The following AFG1L variants were observed in gnomAD, a reference collection of about 807,000 sequenced individuals.
AFG1L encodes AFG1 like ATPase, also known as AFG1-like ATPase.
AFG1L carries 53 observed loss-of-function variants against 62.2 expected under a neutral mutation model. The ratio of observed to expected loss-of-function variants is 0.85; its 90% CI spans 0.68 to 1.07. The LOEUF is 1.07. Among genes scored for constraint, AFG1L ranks in the 50% least tolerant of loss-of-function variants. The probability of loss-of-function intolerance (pLI) is 0.00; values close to 1 mark genes in which losing one functional copy is unlikely to be tolerated. For synonymous variants in AFG1L, 228 were observed against 210.3 expected, an observed-to-expected ratio of 1.08 and a Z score of -0.73; for missense variants, 555 against 590.5, an observed-to-expected ratio of 0.94 and a Z score of 0.62.
At chr6:108,367,029 C>G (rs1364218646) in intron 6 of AFG1L, among the ~76,000 whole-genome samples, 1 of 152,168 alleles carries the variant, frequency 6.6e-6, no homozygotes, top group African/African-American at 2.4e-5. Flanking sequence ...CTAGACTTGT[C>G]TCCCTGTTTG....
At chr6:108,329,402 G>A (rs891089458) in intron 2 of AFG1L, among the ~76,000 whole-genome samples, 4 of 152,170 alleles carry the variant, frequency 2.6e-5, no homozygotes, top group African/African-American at 9.6e-5. Context: ...GGATTCAAGT[G>A]ATTCTCCTGT....
chr6:108,485,178 A>G (rs1054164137), intron 10 of AFG1L, among the ~76,000 whole-genome samples: 1 of 152,316 alleles, frequency 6.6e-6, no homozygotes, highest in Admixed American at 6.5e-5. Context: ...AGGCAAGAGC[A>G]GCTTCTTAGA....
chr6:108,308,395 C>T (rs1777285263), intron 1 of AFG1L, among the ~76,000 whole-genome samples: 1 of 152,216 alleles, frequency 6.6e-6, no homozygotes, highest in Non-Finnish European at 1.5e-5. Flanking sequence ...AAGCTATCCT[C>T]CCACCTTGGC....
In AFG1L at chr6:108,295,180, C is replaced by T. The variant is rs763123714; in HGVS notation, c.101C>T (p.Ala34Val). ...VGCGAWAAAL[A>V]PLATAPGKPF... The stretch of plus-strand genomic sequence containing the variant: ...TGCGGGGCCTGGGCCGCCGCTCTCG[C>T]TCCTCTGGCCACCGCCCCTGGGAAG... The change falls in exon 1 of 13, where the codon GCT becomes GTT. Residue 34 changes from alanine (A) to valine (V), a missense_variant. Physicochemically the swap from Ala to Val is moderately conservative, Grantham distance 64. Coordinates refer to ENST00000368977, the MANE Select transcript of AFG1L (RefSeq NM_145315.5). The T allele has an allele frequency of 1.1e-5, 18 of 1,607,542 alleles. No individual in the cohort carries two copies. Among genetic ancestry groups the T allele is most frequent in the Non-Finnish European group, 1.5e-5 (18 of 1,179,948 alleles).
chr6:108,415,209 G>T (rs896025739), intron 7 of AFG1L, among the ~76,000 whole-genome samples: 4 of 152,090 alleles, frequency 2.6e-5, no homozygotes, highest in East Asian at 3.8e-4. Context: ...GAATCCAACT[G>T]ACAAGGGATG....
intron 7 of AFG1L, among the ~76,000 whole-genome samples, chr6:108,410,401 T>A (rs1042244985): frequency 6.6e-6 from 1 of 152,018 alleles, no homozygotes; most frequent in Non-Finnish European, 1.5e-5. Context: ...AGAAAAATCA[T>A]TGGGAAAAGA....
intron 1 of AFG1L, among the ~76,000 whole-genome samples, chr6:108,318,699 A>G (rs1163814226): frequency 2.0e-5 from 3 of 152,360 alleles, no homozygotes; most frequent in East Asian, 3.9e-4. Flanking sequence ...GAAATAAGGT[A>G]CAAAATTGAA....
intron 1 of AFG1L, among the ~76,000 whole-genome samples, chr6:108,312,583 G>C (rs1042015694): frequency 2.0e-5 from 3 of 151,954 alleles, no homozygotes; most frequent in African/African-American, 7.3e-5. Context: ...TAATAAAAAA[G>C]AATATCAATA....
intron 1 of AFG1L, 71 bp from the exon 2 acceptor site, chr6:108,323,754 C>G (rs1777913066): frequency 9.2e-7 from 1 of 1,089,076 alleles, no homozygotes; most frequent in Non-Finnish European, 1.4e-6. Flanking sequence ...TGAATTTGAC[C>G]CTTAAGAAAT....
intron 7 of AFG1L, among the ~76,000 whole-genome samples, chr6:108,433,387 C>T (rs895048608): frequency 3.3e-5 from 5 of 151,460 alleles, no homozygotes; most frequent in Admixed American, 2.0e-4. Flanking sequence ...TCAGCCAATT[C>T]TCCTGCCTCA....
chr6:108,365,005 C>T lies in AFG1L; in HGVS notation c.649-1228C>T, dbSNP rs574686667. Among the ~76,000 whole-genome samples, 20 of 151,892 alleles carry T rather than the reference C, an allele frequency of 1.3e-4. No homozygotes were observed. The South Asian group carries it at 2.3e-3, about 17-fold the overall frequency. ...TATTGTTAATTGCATTATAACCATT[C>T]GGTTTGTAACTTTTAGTATTTTGAT... On this transcript the variant is annotated intron_variant, in intron 5 of 12. Coordinates refer to ENST00000368977, the MANE Select transcript of AFG1L (RefSeq NM_145315.5).
At position 108,522,499 on chromosome 6, in the gene AFG1L, G is replaced by A; in HGVS notation, c.*74G>A. The A allele has an allele frequency of 6.7e-7, 1 of 1,486,062 alleles. No individual in the cohort carries two copies. Among genetic ancestry groups the A allele is most frequent in the Admixed American group, 1.9e-5 (1 of 52,290 alleles). 92.1% of individuals were successfully genotyped at this position (1,486,062 alleles called of 1,614,324 possible). A position where few individuals can be genotyped will look rare whatever the true frequency, so the allele number is the denominator to read the frequency against. On this transcript the variant is annotated 3_prime_UTR_variant, in exon 13 of 13. Coordinates refer to ENST00000368977, the MANE Select transcript of AFG1L (RefSeq NM_145315.5). ...AGAACTCCTTATTGTGGGACTTGAA[G>A]GAATCATTTTCTCATCATTAATTAT...
At chr6:108,310,046 G>A (rs1777344091) in intron 1 of AFG1L, among the ~76,000 whole-genome samples, 1 of 152,102 alleles carries the variant, frequency 6.6e-6, no homozygotes, top group South Asian at 2.1e-4. Flanking sequence ...AAGTCCCATG[G>A]GGCTATTCAG....
intron 7 of AFG1L, among the ~76,000 whole-genome samples, chr6:108,407,724 G>A (rs953987362): frequency 1.3e-5 from 2 of 151,748 alleles, no homozygotes; most frequent in African/African-American, 2.4e-5. Context: ...CCACAGGAGG[G>A]AACCTCACCA....
intron 8 of AFG1L, among the ~76,000 whole-genome samples, chr6:108,473,555 T>A (rs7760776): frequency 0.38 from 56,963 of 151,854 alleles, 11,170 homozygotes; most frequent in Non-Finnish European, 0.45. Flanking sequence ...CTCACTTTTT[T>A]AAAATTTTTT....
chr6:108,416,596 A>G (rs1299144012), intron 7 of AFG1L, among the ~76,000 whole-genome samples: 1 of 152,212 alleles, frequency 6.6e-6, no homozygotes, highest in Non-Finnish European at 1.5e-5. Flanking sequence ...ATGCAGCCAT[A>G]AAAAAGGATG....
At chr6:108,487,448 T>C (rs966183523) in intron 10 of AFG1L, among the ~76,000 whole-genome samples, 2 of 152,272 alleles carry the variant, frequency 1.3e-5, no homozygotes, top group Non-Finnish European at 2.9e-5. Context: ...CCATTCTGGG[T>C]CTAAGTTCCT....
chr6:108,340,518 C>T (rs567766261), intron 2 of AFG1L, among the ~76,000 whole-genome samples: 17 of 152,180 alleles, frequency 1.1e-4, no homozygotes, highest in Non-Finnish European at 1.9e-4. Flanking sequence ...GCGTGTGCCA[C>T]CACAGCCAGC....
chr6:108,402,002 A>T lies in AFG1L; in HGVS notation c.755A>T (p.Tyr252Phe). 2.7e-6 allele frequency: 4 copies of T among 1,470,234 alleles called. No individual in the cohort carries two copies. The highest frequency in any genetic ancestry group is 3.7e-6 in the Non-Finnish European group (4 of 1,082,928). The allele number at this position is 1,470,234 out of a possible 1,614,324, so 91.1% of individuals were successfully genotyped here. Reference protein sequence around the residue: ...ATSNRPPEDLYKNGLQRANFV... With the variant: ...ATSNRPPEDLFKNGLQRANFV... The stretch of plus-strand genomic sequence containing the variant: ...TATCATTTTTTTCTTTCAGATCTCT[A>T]TAAAAATGGACTCCAAAGAGCTAAC... The change falls in exon 7 of 13, where the codon TAT (tyrosine) becomes TTT (phenylalanine). Residue 252 changes from tyrosine to phenylalanine, a missense_variant. By Grantham distance (22) the Tyr-to-Phe change is conservative. Transcript: ENST00000368977.
Sources: allele counts gnomAD v4.1 joint callset (sites outside exome capture counted in the v4.1 genomes callset), GRCh38; gene constraint gnomAD v4.1.1; transcripts MANE v1.5; gene names NCBI Gene and HGNC (gene_info 2026-07-23, HGNC 2026-07-21).